Variants in IMMP2L observed in about 807,000 individuals in gnomAD.
The protein encoded by IMMP2L is mitochondrial inner membrane protease subunit 2.
A neutral mutation model predicts 19.3 loss-of-function variants in IMMP2L; 18 were observed. The observed-to-expected ratio is 0.93, with a 90% CI of 0.64 to 1.38. The LOEUF (loss-of-function observed/expected upper bound fraction) is 1.38, where lower values mean the gene tolerates loss of function less well. Ranked by LOEUF, IMMP2L falls within the 40% of genes most tolerant of loss-of-function variation. The pLI, the probability that IMMP2L is intolerant of heterozygous loss-of-function variation, is 0.00. For missense variants in IMMP2L, 233 were observed against 218.2 expected (o/e 1.07, Z -0.43); for synonymous variants, 76 against 73.0 (o/e 1.04, Z -0.21).
chr7:111,561,676 C>T (rs528762454), intron 1 of IMMP2L, among the ~76,000 whole-genome samples, 175 bp downstream of exon 1: 2 of 152,220 alleles, frequency 1.3e-5, no homozygotes, highest in South Asian at 4.1e-4. Context: ...AGGCTGAAAA[C>T]AGTCCGGGGC....
Position 111,539,194 on chromosome 7 carries a change from GGGAGAAAGAAAGAAAGAAAGAAAGAA to G in IMMP2L, c.-2-17771_-2-17746del, listed in dbSNP as rs1848233738. Among the ~76,000 whole-genome samples, 64 of 60,934 alleles carry G rather than the reference GGGAGAAAGAAAGAAAGAAAGAAAGAA, an allele frequency of 1.1e-3. 3 individuals carry two copies. Among genetic ancestry groups the G allele is most frequent in the African/African-American group, 4.4e-3 (61 of 13,804 alleles). 40.0% of individuals were successfully genotyped at this position (60,934 alleles called of 152,430 possible). A position where few individuals can be genotyped will look rare whatever the true frequency, so the allele number is the denominator to read the frequency against. On this transcript the variant is annotated intron_variant, in intron 1 of 5. Transcript: ENST00000405709. ...AAGGAAGGAAGGAAGGAAGGAAGGA[GGGAGAAAGAAAGAAAGAAAGAAAGAA>G]AGAAAGAAAGAAAGAAAGAAAGAAA... is the stretch of plus-strand genomic sequence containing the variant.
At chr7:110,972,178 AATAC>A (rs1180612192) in intron 3 of IMMP2L, among the ~76,000 whole-genome samples, 1 of 152,040 alleles carries the variant, frequency 6.6e-6, no homozygotes, top group African/African-American at 2.4e-5. Flanking sequence ...AAAAAAAAAA[AATAC>A]ATGATGCTTG....
At chr7:110,843,035 T>C (rs1805258660) in intron 5 of IMMP2L, among the ~76,000 whole-genome samples, 1 of 152,170 alleles carries the variant, frequency 6.6e-6, no homozygotes, top group African/African-American at 2.4e-5. Flanking sequence ...ATAAAATGCA[T>C]GGTTATTATT....
intron 3 of IMMP2L, among the ~76,000 whole-genome samples, chr7:111,353,697 A>G (rs753533074): frequency 5.9e-5 from 9 of 152,172 alleles, no homozygotes; most frequent in Admixed American, 2.6e-4. Context: ...GGCTATGGGT[A>G]TTGAAAACAT....
chr7:111,003,964 T>C (rs2129561758), intron 3 of IMMP2L, among the ~76,000 whole-genome samples: 1 of 152,318 alleles, frequency 6.6e-6, no homozygotes, highest in African/African-American at 2.4e-5. Context: ...TCTCACCTAG[T>C]ACCTATTGAT....
intron 3 of IMMP2L, among the ~76,000 whole-genome samples, chr7:111,178,730 T>C (rs1029857302): frequency 6.6e-6 from 1 of 152,118 alleles, no homozygotes. Context: ...TGTTAAGTTT[T>C]ATCATGAGAT....
chr7:111,233,523 C>T (rs897206216), intron 3 of IMMP2L, among the ~76,000 whole-genome samples: 2 of 151,796 alleles, frequency 1.3e-5, no homozygotes, highest in Non-Finnish European at 2.9e-5. Flanking sequence ...AAAAGATAAT[C>T]GTAACACAGA....
intron 3 of IMMP2L, among the ~76,000 whole-genome samples, chr7:111,402,901 C>A (rs1020825451): frequency 1.3e-5 from 2 of 151,018 alleles, no homozygotes; most frequent in Admixed American, 6.6e-5. Context: ...CTATTTACAT[C>A]TATTCTTTCT....
intron 3 of IMMP2L, among the ~76,000 whole-genome samples, chr7:110,997,550 G>A (rs1322952091): frequency 1.3e-5 from 2 of 152,034 alleles, no homozygotes; most frequent in East Asian, 3.9e-4. Flanking sequence ...ATTTATTTTA[G>A]TAATTCTAAT....
At chr7:110,753,759 T>C (rs1394220946) in intron 5 of IMMP2L, among the ~76,000 whole-genome samples, 2 of 151,350 alleles carry the variant, frequency 1.3e-5, no homozygotes, top group Admixed American at 6.6e-5. Context: ...GTGGGGTGTG[T>C]GTGTGTGTGT....
At chr7:111,306,606 CTGTGTGTGTGTGTGTGTGTGTG>C (rs71147473) in intron 3 of IMMP2L, among the ~76,000 whole-genome samples, 2 of 136,118 alleles carry the variant, frequency 1.5e-5, no homozygotes, top group South Asian at 2.6e-4. Flanking sequence ...TCACTGGACT[CTGTGTGTGTGTGTGTGTGTGTG>C]TGTGTGTGTG....
intron 5 of IMMP2L, among the ~76,000 whole-genome samples, chr7:110,741,725 T>C (rs1205748363): frequency 3.3e-5 from 5 of 152,228 alleles, no homozygotes; most frequent in Non-Finnish European, 7.3e-5. Context: ...TTATAAATTA[T>C]AGACATACTC....
At chr7:111,037,434 C>T (rs1485621444) in intron 3 of IMMP2L, among the ~76,000 whole-genome samples, 1 of 152,064 alleles carries the variant, frequency 6.6e-6, no homozygotes, top group Non-Finnish European at 1.5e-5. Context: ...TCATGAGTCT[C>T]CTTGGATAGG....
chr7:111,180,451 C>A (rs927528885), intron 3 of IMMP2L, among the ~76,000 whole-genome samples: 1 of 152,016 alleles, frequency 6.6e-6, no homozygotes, highest in African/African-American at 2.4e-5. Context: ...TGCCATCTTA[C>A]ATGGGTGAGG....
rs1215905014 is a variant in IMMP2L, at chr7:111,480,406, T to C, written c.239+6832A>G. ...AGGATATCAACTTTTTGTATGGCTA[T>C]GAACAGCATTTAAAAATCAGTTTAA... is the stretch of plus-strand genomic sequence containing the variant. On this transcript the variant is annotated intron_variant, in intron 3 of 5. Coordinates refer to ENST00000405709, the MANE Select transcript of IMMP2L (RefSeq NM_032549.4). Among the ~76,000 whole-genome samples the C allele has an allele frequency of 3.3e-5, 5 of 151,966 alleles. No individual in the cohort carries two copies. In the East Asian group the frequency reaches 9.7e-4, roughly 29 times the overall value.
At chr7:110,958,104 A>C (rs1319485915) in intron 4 of IMMP2L, among the ~76,000 whole-genome samples, 1 of 151,954 alleles carries the variant, frequency 6.6e-6, no homozygotes, top group Non-Finnish European at 1.5e-5. Flanking sequence ...ATCACCCAAA[A>C]ATTTGTGTTA....
chr7:110,931,829 C>G (rs1228294221), intron 4 of IMMP2L, among the ~76,000 whole-genome samples: 1 of 152,174 alleles, frequency 6.6e-6, no homozygotes, highest in East Asian at 1.9e-4. Flanking sequence ...TCCCACTACA[C>G]TCCACTTCAT....
chr7:110,674,349 T>A (rs1373751374), intron 5 of IMMP2L, among the ~76,000 whole-genome samples: 1 of 152,150 alleles, frequency 6.6e-6, no homozygotes, highest in Non-Finnish European at 1.5e-5. Context: ...GGAACTATAA[T>A]TCAAGATATG....
chr7:111,243,405 T>G lies in IMMP2L; in HGVS notation c.239+243833A>C, dbSNP rs1039686906. Reference sequence around the variant, plus strand: ...TGAAATTTTATATTCTTGCATGGACTAGTAATTTCCACAATAGGTTTTCCA... The same window carrying G: ...TGAAATTTTATATTCTTGCATGGACGAGTAATTTCCACAATAGGTTTTCCA... On this transcript the variant is annotated intron_variant, in intron 3 of 5. Coordinates refer to ENST00000405709, the MANE Select transcript of IMMP2L (RefSeq NM_032549.4). Among the ~76,000 whole-genome samples, 7 of 152,172 alleles carry G rather than the reference T, an allele frequency of 4.6e-5. No individual in the cohort carries two copies. In the South Asian group the frequency reaches 1.2e-3, roughly 27 times the overall value.
Sources: gnomAD v4.1 joint callset for allele counts (sites outside exome capture counted in the v4.1 genomes callset) on GRCh38, gnomAD v4.1.1 for gene constraint, MANE v1.5 for transcripts, NCBI Gene and HGNC (gene_info 2026-07-23, HGNC 2026-07-21) for gene names.